SFSWAP: variants seen among roughly 807,000 people sequenced by gnomAD.
SFSWAP encodes splicing factor SWAP.
Under a neutral mutation model 100.7 loss-of-function variants are expected in SFSWAP, and 17 were observed. That is an observed-to-expected ratio of 0.17 (90% confidence interval 0.12 to 0.25). SFSWAP has a LOEUF of 0.25. SFSWAP is among the 10% of genes least tolerant of loss of function. The pLI is 1.00. For synonymous variants in SFSWAP, 504 were observed against 510.1 expected, an observed-to-expected ratio of 0.99 and a Z score of 0.16; for missense variants, 1,005 against 1,262.6, an observed-to-expected ratio of 0.80 and a Z score of 3.09.
At chr12:131,785,152 A>G in intron 14 of SFSWAP, 1 of 1,535,726 alleles carries the variant, frequency 6.5e-7, no homozygotes, top group Non-Finnish European at 8.7e-7. Flanking sequence ...CGAGCCAGGA[A>G]GTTATCAGGC....
Position 131,714,166 on chromosome 12 carries a change from G to A in SFSWAP, c.314G>A (p.Arg105Gln), listed in dbSNP as rs1200303051. 1.9e-6 allele frequency: 3 copies of A among 1,613,870 alleles called. No individual in the cohort carries two copies. The highest frequency in any genetic ancestry group is 1.3e-5 in the African/African-American group (1 of 74,902). ...TATCAGCTGTCTGAAGAGGAGGCGC[G>A]AATAGAGGCCCTGTGTGATGAAGAG... is the stretch of plus-strand genomic sequence containing the variant. Reference protein sequence around the residue: ...RDYQLSEEEARIEALCDEERY... With the variant: ...RDYQLSEEEAQIEALCDEERY... The change falls in exon 2 of 18, where the codon CGA becomes CAA. Residue 105 changes from arginine (R) to glutamine (Q), a missense_variant. Physicochemically the swap from Arg to Gln is conservative, Grantham distance 43. Coordinates refer to ENST00000261674, the MANE Select transcript of SFSWAP (RefSeq NM_004592.4). This position sits in a 1 kb window ranked among gnomAD's most constrained non-coding sequence, Gnocchi z 6.0.
Position 131,711,728 on chromosome 12 carries a change from G to T in SFSWAP, c.218+281G>T, listed in dbSNP as rs1593100457. ...CGACCCCTCACCCTGTCGCTGGGCT[G>T]CAGTTGGCGATTCCGCGCGGTGAAA... is the stretch of plus-strand genomic sequence containing the variant. On this transcript the variant is annotated intron_variant, in intron 1 of 17. Coordinates refer to ENST00000261674, the MANE Select transcript of SFSWAP (RefSeq NM_004592.4). This position sits in a 1 kb window ranked among gnomAD's most constrained non-coding sequence, Gnocchi z 4.9. 2.4e-6 allele frequency: 1 copy of T among 418,590 alleles called. No homozygotes were observed. Among genetic ancestry groups the T allele is most frequent in the East Asian group, 4.4e-5 (1 of 22,588 alleles). The allele number at this position is 418,590 out of a possible 1,614,324, so 25.9% of individuals were successfully genotyped here.
At chr12:131,784,485 GA>G (rs1489746312) in intron 14 of SFSWAP, 2 of 151,682 alleles carry the variant, frequency 1.3e-5, no homozygotes, top group African/African-American at 4.8e-5. Context: ...TGTTATCATT[GA>G]AAAAAGTCTC....
chr12:131,766,426 C>T, intron 13 of SFSWAP, 118 bp downstream of exon 13: 1 of 885,268 alleles, frequency 1.1e-6, no homozygotes, highest in Non-Finnish European at 1.8e-6. Flanking sequence ...GAGCTCCCAG[C>T]TCTTCCTCCC....
chr12:131,739,882 G>GT (rs1197084947), intron 7 of SFSWAP, among the ~76,000 whole-genome samples: 3 of 151,956 alleles, frequency 2.0e-5, no homozygotes, highest in African/African-American at 7.2e-5. Context: ...GACTGGATTC[G>GT]TTTTTTCCCT....
In SFSWAP at chr12:131,714,230, G is replaced by A; in HGVS notation, c.378G>A (p.Glu126=). Residue 126 remains glutamate (E), a synonymous_variant, in exon 2 of 18, where the codon GAG becomes GAA. Coordinates refer to ENST00000261674, the MANE Select transcript of SFSWAP (RefSeq NM_004592.4). This position sits in a 1 kb window ranked among gnomAD's most constrained non-coding sequence, Gnocchi z 6.0. Reference sequence around the variant, plus strand: ...TGCATACGGACTTGCTTGAGGAGGAGGCAAGGCAAGGTACTGCTCAAGACA... The same window carrying A: ...TGCATACGGACTTGCTTGAGGAGGAAGCAAGGCAAGGTACTGCTCAAGACA... ...LALHTDLLEE[E]ARQEEEYKRL... 1 of 1,612,226 alleles carries A rather than the reference G, an allele frequency of 6.2e-7. No individual in the cohort carries two copies.
rs927787537 is a variant in SFSWAP, at chr12:131,732,589, G to C, written c.1081+4161G>C. Reference sequence around the variant, plus strand: ...CAGGTCTGCGGATTCTGCTGCCCTTGGCTGCTCTCGGCTTGCTCCTCGTCT... The same window carrying C: ...CAGGTCTGCGGATTCTGCTGCCCTTCGCTGCTCTCGGCTTGCTCCTCGTCT... On this transcript the variant is annotated intron_variant, in intron 7 of 17. Coordinates refer to ENST00000261674, the MANE Select transcript of SFSWAP (RefSeq NM_004592.4). Among the ~76,000 whole-genome samples the C allele has an allele frequency of 3.9e-5, 6 of 152,346 alleles. 1 individual carries two copies. In the South Asian group the frequency reaches 1.2e-3, roughly 32 times the overall value.
chr12:131,753,507 C>A, intron 8 of SFSWAP, 144 bp downstream of exon 8: 1 of 1,113,156 alleles, frequency 9.0e-7, no homozygotes, highest in Non-Finnish European at 1.2e-6. Context: ...TCCAAATCCC[C>A]AAGTTACAAA....
intron 13 of SFSWAP, among the ~76,000 whole-genome samples, chr12:131,771,975 T>C (rs1048841067): frequency 6.6e-6 from 1 of 152,186 alleles, no homozygotes; most frequent in Non-Finnish European, 1.5e-5. Flanking sequence ...TGCTAATGTT[T>C]CTTGGCATTG....
At chr12:131,736,460 A>G (rs1880026669) in intron 7 of SFSWAP, among the ~76,000 whole-genome samples, 1 of 152,236 alleles carries the variant, frequency 6.6e-6, no homozygotes. Flanking sequence ...TCAAATAGGA[A>G]AAAATTCTGA....
intron 11 of SFSWAP, among the ~76,000 whole-genome samples, chr12:131,760,331 A>G (rs907371465): frequency 3.3e-5 from 5 of 152,256 alleles, no homozygotes; most frequent in African/African-American, 1.2e-4. Context: ...TTATAAATCA[A>G]TACAAAAAGA....
At chr12:131,764,847 C>G (rs1174559598) in intron 12 of SFSWAP, among the ~76,000 whole-genome samples, 161 bp downstream of exon 12, 1 of 152,240 alleles carries the variant, frequency 6.6e-6, no homozygotes, top group Non-Finnish European at 1.5e-5. Context: ...TTGAAACGTT[C>G]TCTTTTAGAG....
At chr12:131,726,262 G>A (rs1277801117) in intron 5 of SFSWAP, among the ~76,000 whole-genome samples, 1 of 152,058 alleles carries the variant, frequency 6.6e-6, no homozygotes, top group Non-Finnish European at 1.5e-5. Flanking sequence ...GGAGTGCAAT[G>A]GCGTGAGCGC....
chr12:131,766,156 C>T lies in SFSWAP; in HGVS notation c.1990C>T (p.Arg664Trp), dbSNP rs561221169. ...GGAAGATCGCCTCGCAGCTGCTGCC[C>T]GGGAAAAGCTGGCCCAGGCGTCTAA... ...KLEDRLAAAA[R>W]EKLAQASKES... Residue 664 changes from arginine (R) to tryptophan (W), a missense_variant, in exon 13 of 18, where the codon CGG (arginine) becomes TGG (tryptophan). Around this residue, in one of 7 missense-constraint regions of SFSWAP, gnomAD observed 82 missense variants for 131.0 expected, o/e 0.63. Transcript: ENST00000261674. 1 of 1,613,450 alleles carries T rather than the reference C, an allele frequency of 6.2e-7. No homozygotes were observed. The highest frequency in any genetic ancestry group is 8.5e-7 in the Non-Finnish European group (1 of 1,179,790).
rs1313890679 is a variant in SFSWAP at position 131,711,240 on chromosome 12, C to T, written c.11C>T (p.Ala4Val). ...GCCGGGGACGCTGTCATGTACGGCGCGAGCGGGGGCCGCGCCAAACCCGAG... is the reference window on the plus strand; with the variant it reads ...GCCGGGGACGCTGTCATGTACGGCGTGAGCGGGGGCCGCGCCAAACCCGAG... Reference protein sequence around the residue: MYGASGGRAKPERK... With the variant: MYGVSGGRAKPERK... Residue 4 changes from alanine to valine, a missense_variant, in exon 1 of 18, where the codon GCG (alanine) becomes GTG (valine). Transcript: ENST00000261674. This position sits in a 1 kb window ranked among gnomAD's most constrained non-coding sequence, Gnocchi z 4.9. 3 of 1,602,900 alleles carry T rather than the reference C, an allele frequency of 1.9e-6. No homozygotes were observed. Among genetic ancestry groups the T allele is most frequent in the African/African-American group, 2.7e-5 (2 of 74,892 alleles).
chr12:131,786,572 A>C lies in SFSWAP; in HGVS notation c.2518A>C (p.Lys840Gln). The C allele has an allele frequency of 6.3e-7, 1 of 1,589,694 alleles. No individual in the cohort carries two copies. Among genetic ancestry groups the C allele is most frequent in the Middle Eastern group, 1.9e-4 (1 of 5,182 alleles). ...RVSRSPGASRKRTRSRSPHEK... is the reference protein window; with the variant it reads ...RVSRSPGASRQRTRSRSPHEK... ...GAGCCGCAGCCCTGGGGCCAGTAGG[A>C]AGCGGACCCGCTCCAGGTAGGCCAC... is the stretch of plus-strand genomic sequence containing the variant. Residue 840 changes from lysine to glutamine, a missense_variant, in exon 15 of 18, where the codon AAG becomes CAG. By Grantham distance (53) the Lys-to-Gln change is moderately conservative. This residue lies in a region of SFSWAP where 295 missense variants were observed against 347.9 expected (regional missense o/e 0.85). Coordinates refer to ENST00000261674, the MANE Select transcript of SFSWAP (RefSeq NM_004592.4).
At chr12:131,749,918 A>C (rs1881466548) in intron 7 of SFSWAP, among the ~76,000 whole-genome samples, 1 of 152,244 alleles carries the variant, frequency 6.6e-6, no homozygotes. Flanking sequence ...TCTGCCAAGG[A>C]GGCAGAGGCT....
intron 7 of SFSWAP, among the ~76,000 whole-genome samples, chr12:131,744,956 A>G (rs1268576804): frequency 6.6e-6 from 1 of 152,140 alleles, no homozygotes; most frequent in African/African-American, 2.4e-5. Context: ...TTAACATGAG[A>G]ACAGCGCAGG....
rs925398142 is a variant in SFSWAP, at chr12:131,734,456, G to C, written c.1081+6028G>C. On this transcript the variant is annotated intron_variant, in intron 7 of 17. Coordinates refer to ENST00000261674, the MANE Select transcript of SFSWAP (RefSeq NM_004592.4). This position sits in a 1 kb window ranked among gnomAD's most constrained non-coding sequence, Gnocchi z 4.9. ...TCAGAGAGGCAGCCGCCCACCCCAC[G>C]CACTCCCTGCTTGTAAGCCGGGGCC... is the stretch of plus-strand genomic sequence containing the variant. Among the ~76,000 whole-genome samples the C allele has an allele frequency of 2.0e-5, 3 of 152,166 alleles. No homozygotes were observed. Among genetic ancestry groups the C allele is most frequent in the Non-Finnish European group, 2.9e-5 (2 of 68,012 alleles).
Sources: allele counts gnomAD v4.1 joint callset (sites outside exome capture counted in the v4.1 genomes callset), GRCh38; gene constraint gnomAD v4.1.1; regional missense constraint gnomAD v4.1.1; non-coding constraint Gnocchi (gnomAD v3.1); transcripts MANE v1.5; gene names NCBI Gene and HGNC (gene_info 2026-07-23, HGNC 2026-07-21).